The following USP6NL variants were observed in gnomAD, a reference collection of about 807,000 sequenced individuals.
USP6NL encodes the protein USP6 N-terminal like.
USP6NL carries 26 observed loss-of-function variants against 61.9 expected under a neutral mutation model. The ratio of observed to expected loss-of-function variants is 0.42; its 90% confidence interval spans 0.31 to 0.58. The LOEUF is 0.58. Among genes scored for constraint, USP6NL ranks in the 20% least tolerant of loss-of-function variants. The probability of loss-of-function intolerance (pLI) is 0.16; values close to 1 mark genes in which losing one functional copy is unlikely to be tolerated. For synonymous variants in USP6NL, 432 were observed against 390.1 expected (o/e 1.11, Z -1.27); for missense variants, 1,114 against 1,034.3 (o/e 1.08, Z -1.06).
rs17150444 is a variant in USP6NL at position 11,490,659 on chromosome 10, T to C, written c.543+173A>G. 0.11 allele frequency among the ~76,000 whole-genome samples: 16,570 copies of C among 152,230 alleles called. 1,403 individuals carry two copies. The highest frequency in any genetic ancestry group is 0.43 in the East Asian group (2,224 of 5,176). ...TTCTTCCACTTCAGAATCAGCTCTG[T>C]TCTAAGGCCCTAGGGTTATCACAGG... On this transcript the variant is annotated intron_variant, in intron 9 of 14. Coordinates refer to ENST00000609104, the MANE Select transcript of USP6NL (RefSeq NM_014688.5). The surrounding 1 kb of genome is among the most constrained non-coding windows in gnomAD (Gnocchi z 4.5).
rs2133677940 is a variant in USP6NL at position 11,600,774 on chromosome 10, C to T, written c.-83-3057G>A. ...CACGAGGTCAGGAGTTCAAGACCAG[C>T]CTGGCCAACATGGTGAAACCCTGTC... On this transcript the variant is annotated intron_variant, in intron 1 of 14. Coordinates refer to ENST00000609104, the MANE Select transcript of USP6NL (RefSeq NM_014688.5). This position sits in a 1 kb window ranked among gnomAD's most constrained non-coding sequence, Gnocchi z 4.1. Among the ~76,000 whole-genome samples, 1 of 152,172 alleles carries T rather than the reference C, an allele frequency of 6.6e-6. No homozygotes were observed. The highest frequency in any genetic ancestry group is 6.5e-5 in the Admixed American group (1 of 15,284).
chr10:11,555,433 A>AAAAATATATATATAT (rs1275798295), intron 2 of USP6NL, among the ~76,000 whole-genome samples: 1 of 49,030 alleles, frequency 2.0e-5, no homozygotes, highest in African/African-American at 9.4e-5. Context: ...AAAAAAAAAA[A>AAAAATATATATATAT]ATATATATAT....
chr10:11,485,822 G>A lies in USP6NL; in HGVS notation c.754C>T (p.His252Tyr), dbSNP rs1337309592. 1 of 1,550,506 alleles carries A rather than the reference G, an allele frequency of 6.4e-7. No individual in the cohort carries two copies. The highest frequency in any genetic ancestry group is 1.2e-5 in the South Asian group (1 of 82,818). ...TCAGTGGCACATCTACCTACCAAGT[G>A]TTGCTTAAGCTTGGACAGAAATTTG... is the stretch of plus-strand genomic sequence containing the variant. Reference protein sequence around the residue: ...LNKFLSKLKQHLDSQEIYTSF... With the variant: ...LNKFLSKLKQYLDSQEIYTSF... The change falls in exon 11 of 15, where the codon CAC (histidine) becomes TAC (tyrosine). Residue 252 changes from histidine (H) to tyrosine (Y), a missense_variant. Coordinates refer to ENST00000609104, the MANE Select transcript of USP6NL (RefSeq NM_014688.5). This position sits in a 1 kb window ranked among gnomAD's most constrained non-coding sequence, Gnocchi z 4.8.
intron 1 of USP6NL, among the ~76,000 whole-genome samples, chr10:11,608,487 T>C (rs1838777528): frequency 6.6e-6 from 1 of 152,216 alleles, no homozygotes; most frequent in Non-Finnish European, 1.5e-5. Context: ...TCAGTGACTG[T>C]GAACAAGCTC....
intron 7 of USP6NL, among the ~76,000 whole-genome samples, chr10:11,498,679 G>A (rs896285284): frequency 2.0e-5 from 3 of 151,768 alleles, no homozygotes; most frequent in East Asian, 3.9e-4. Context: ...TTTAAAATAC[G>A]GCAATATGAA....
At chr10:11,541,863 C>T (rs142287293) in intron 2 of USP6NL, among the ~76,000 whole-genome samples, 46 of 152,296 alleles carry the variant, frequency 3.0e-4, no homozygotes, top group African/African-American at 1.0e-3. Flanking sequence ...ACAGATGACA[C>T]TGACACTATA....
intron 2 of USP6NL, among the ~76,000 whole-genome samples, chr10:11,582,521 T>C (rs536994547): frequency 1.3e-5 from 2 of 152,370 alleles, no homozygotes; most frequent in African/African-American, 2.4e-5. Context: ...AAAAATTCAT[T>C]GACAACTTGA....
rs145507399 is a variant in USP6NL at position 11,592,274 on chromosome 10, C to T, written c.4+5357G>A. On this transcript the variant is annotated intron_variant, in intron 2 of 14. Coordinates refer to ENST00000609104, the MANE Select transcript of USP6NL (RefSeq NM_014688.5). This position sits in a 1 kb window ranked among gnomAD's most constrained non-coding sequence, Gnocchi z 4.7. ...ATAGTGTTAATAACAACGAAGTACA[C>T]TAAACTAAGAAAGTAATCACACAAA... 6.6e-6 allele frequency among the ~76,000 whole-genome samples: 1 copy of T among 152,292 alleles called. No individual in the cohort carries two copies. Among genetic ancestry groups the T allele is most frequent in the African/African-American group, 2.4e-5 (1 of 41,564 alleles).
intron 2 of USP6NL, among the ~76,000 whole-genome samples, chr10:11,536,881 C>T (rs913324900): frequency 4.5e-4 from 68 of 152,168 alleles, no homozygotes; most frequent in African/African-American, 1.5e-3. Context: ...GCTTCCTTTC[C>T]TCTTTCTTAT....
Position 11,525,451 on chromosome 10 carries a change from C to T in USP6NL, c.90G>A (p.Glu30=). 5.6e-6 allele frequency: 9 copies of T among 1,594,212 alleles called. No individual in the cohort carries two copies. The highest frequency in any genetic ancestry group is 7.7e-6 in the Non-Finnish European group (9 of 1,174,298). ...AATCAGCATCTTCCCAAGGTTCAAT[C>T]TCTGCACCTTCTCGTCCCTAAAATA... ...AKYDRGREGA[E]IEPWEDADYL... is the part of the protein sequence containing the mutation. The change falls in exon 4 of 15, where the codon GAG becomes GAA. Residue 30 remains glutamate, a synonymous_variant. Coordinates refer to ENST00000609104, the MANE Select transcript of USP6NL (RefSeq NM_014688.5). This position sits in a 1 kb window ranked among gnomAD's most constrained non-coding sequence, Gnocchi z 5.0.
At chr10:11,472,811 A>T (rs1271693538) in intron 14 of USP6NL, among the ~76,000 whole-genome samples, 4 of 152,198 alleles carry the variant, frequency 2.6e-5, no homozygotes, top group Non-Finnish European at 2.9e-5. Context: ...TTGGGTTCAT[A>T]GGCTTGACTT....
At chr10:11,558,175 A>G (rs1836789692) in intron 2 of USP6NL, among the ~76,000 whole-genome samples, 1 of 152,138 alleles carries the variant, frequency 6.6e-6, no homozygotes, top group African/African-American at 2.4e-5. Flanking sequence ...GTGGCTCCCA[A>G]ACAACTTTGG....
At chr10:11,583,933 G>A (rs1837878673) in intron 2 of USP6NL, among the ~76,000 whole-genome samples, 1 of 152,202 alleles carries the variant, frequency 6.6e-6, no homozygotes, top group Admixed American at 6.5e-5. Flanking sequence ...AGAGGCTGAG[G>A]CAGGAGAATC....
In USP6NL at chr10:11,574,396, T is replaced by C. The variant is rs1410320634; in HGVS notation, c.4+23235A>G. On this transcript the variant is annotated intron_variant, in intron 2 of 14. Coordinates refer to ENST00000609104, the MANE Select transcript of USP6NL (RefSeq NM_014688.5). This position sits in a 1 kb window ranked among gnomAD's most constrained non-coding sequence, Gnocchi z 4.3. ...TTCCCATAGGAGTCTGTAAATTCAA[T>C]GGTCTCAACATCCAGCGGCATGGAC... 6.6e-6 allele frequency among the ~76,000 whole-genome samples: 1 copy of C among 152,222 alleles called. No homozygotes were observed. The highest frequency in any genetic ancestry group is 1.5e-5 in the Non-Finnish European group (1 of 68,040).
chr10:11,492,714 T>C (rs1336282845), intron 8 of USP6NL, among the ~76,000 whole-genome samples: 1 of 152,252 alleles, frequency 6.6e-6, no homozygotes, highest in Non-Finnish European at 1.5e-5. Flanking sequence ...GTCATAGCAA[T>C]GATGTATCAA....
Position 11,460,579 on chromosome 10 carries a change from AATGAC to A in USP6NL, c.*1857_*1861del, listed in dbSNP as rs2096210394. 4 of 149,334 alleles carry A rather than the reference AATGAC, an allele frequency of 2.7e-5. No individual in the cohort carries two copies. The highest frequency in any genetic ancestry group is 2.0e-4 in the Admixed American group (3 of 14,964). The allele number at this position is 149,334 out of a possible 1,614,324, so 9.3% of individuals were successfully genotyped here. ...AAGTATACAGATAAAAAATGTCATA[AATGAC>A]ATAAGAAAATAGTGCTTGTGTGTAT... On this transcript the variant is annotated 3_prime_UTR_variant, in exon 15 of 15. Coordinates refer to ENST00000609104, the MANE Select transcript of USP6NL (RefSeq NM_014688.5).
At chr10:11,498,379 G>T (rs916519653) in intron 7 of USP6NL, among the ~76,000 whole-genome samples, 5 of 150,456 alleles carry the variant, frequency 3.3e-5, no homozygotes, top group Admixed American at 1.3e-4. Context: ...ACTGCTAAAT[G>T]CAAGAGAGAA....
In USP6NL at chr10:11,481,827, G is replaced by A. The variant is rs1833211367; in HGVS notation, c.1021C>T (p.Gln341Ter). The change falls in exon 14 of 15, where the codon CAA becomes TAA. Residue 341 changes from glutamine (Q) to a stop codon, truncating the protein, a stop_gained. Coordinates refer to ENST00000609104, the MANE Select transcript of USP6NL (RefSeq NM_014688.5). LOFTEE classifies it high-confidence loss of function. This position sits in a 1 kb window ranked among gnomAD's most constrained non-coding sequence, Gnocchi z 4.4. Reference sequence around the variant, plus strand: ...AGTTCTGTCATAGAAATCTGAAGTTGCTCTATCACAAAATCATCTTCAAAG... The same window carrying A: ...AGTTCTGTCATAGAAATCTGAAGTTACTCTATCACAAAATCATCTTCAAAG... The part of the protein sequence containing the change: ...FFFEDDFVIE[Q>*]LQISMTELKR... The A allele has an allele frequency of 6.2e-7, 1 of 1,613,082 alleles. No individual in the cohort carries two copies. Among genetic ancestry groups the A allele is most frequent in the Non-Finnish European group, 8.5e-7 (1 of 1,179,506 alleles).
intron 2 of USP6NL, among the ~76,000 whole-genome samples, chr10:11,571,184 A>C (rs955683764): frequency 6.6e-5 from 10 of 151,890 alleles, no homozygotes; most frequent in African/African-American, 1.9e-4. Flanking sequence ...CCCGGGTTCA[A>C]GCGATTCTCC....
Sources: allele counts gnomAD v4.1 joint callset (sites outside exome capture counted in the v4.1 genomes callset), GRCh38; gene constraint gnomAD v4.1.1; non-coding constraint Gnocchi (gnomAD v3.1); transcripts MANE v1.5; gene names NCBI Gene and HGNC (gene_info 2026-07-23, HGNC 2026-07-21).